Variants in PRSS56 observed in about 807,000 individuals in gnomAD.
PRSS56 encodes serine protease 56, also known as protease, serine 56.
PRSS56 carries 55 observed loss-of-function variants against 66.8 expected under a neutral mutation model. That is an observed-to-expected ratio of 0.82 (90% CI 0.66 to 1.03). The LOEUF (loss-of-function observed/expected upper bound fraction) is 1.03, where lower values mean the gene tolerates loss of function less well. Ranked by LOEUF, PRSS56 falls within the 50% of genes least tolerant of loss-of-function variation. PRSS56 has a pLI of 0.00. For missense variants in PRSS56, 869 were observed against 837.2 expected, an observed-to-expected ratio of 1.04 and a Z score of -0.47; for synonymous variants, 409 against 387.9, an observed-to-expected ratio of 1.05 and a Z score of -0.64.
Position 232,524,332 on chromosome 2 carries a change from C to T in PRSS56, c.1377C>T (p.Phe459=). 1 of 1,535,768 alleles carries T rather than the reference C, an allele frequency of 6.5e-7. No homozygotes were observed. The highest frequency in any genetic ancestry group is 1.4e-5 in the African/African-American group (1 of 73,172). ...GATCGCGGGCTGCAGGCACTCGGTT[C>T]CCGAAGCGGAGGCCGGAGCCGCGCG... ...HSGSRAAGTR[F]PKRRPEPRGE... The change falls in exon 11 of 13, where the codon TTC becomes TTT. Residue 459 remains phenylalanine, a synonymous_variant. Transcript: ENST00000617714.
rs1051925760 is a variant in PRSS56, at chr2:232,524,030, G to T, written c.1187-9G>T. The T allele has an allele frequency of 1.3e-6, 2 of 1,525,370 alleles. No individual in the cohort carries two copies. The highest frequency in any genetic ancestry group is 1.4e-5 in the African/African-American group (1 of 71,054). 94.5% of individuals were successfully genotyped at this position (1,525,370 alleles called of 1,614,324 possible). A position where few individuals can be genotyped will look rare whatever the true frequency, so the allele number is the denominator to read the frequency against. Reference sequence around the variant, plus strand: ...CTGACCGCCGCTCCGACTCCTGTCCGGTCCGCAGAGCTGCGCTCGCTGGCG... The same window carrying T: ...CTGACCGCCGCTCCGACTCCTGTCCTGTCCGCAGAGCTGCGCTCGCTGGCG... On this transcript the variant is annotated splice_polypyrimidine_tract_variant and intron_variant, in intron 9 of 12. Coordinates refer to ENST00000617714, the MANE Select transcript of PRSS56 (RefSeq NM_001195129.2).
Position 232,524,755 on chromosome 2 carries a change from C to A in PRSS56, c.1432C>A (p.Pro478Thr). The part of the protein sequence containing the change: ...GEANGCPGLE[P>T]LRQKLAALQG... The stretch of plus-strand genomic sequence containing the variant: ...TCCTCCAGGCTGCCCTGGGCTGGAG[C>A]CCCTGCGACAGAAGTTGGCTGCCCT... Residue 478 changes from proline to threonine, a missense_variant, in exon 12 of 13, where the codon CCC becomes ACC. Pro to Thr is a conservative substitution (Grantham distance 38). Around this residue, in one of 3 missense-constraint regions of PRSS56, gnomAD observed 551 missense variants for 506.9 expected, o/e 1.09. Coordinates refer to ENST00000617714, the MANE Select transcript of PRSS56 (RefSeq NM_001195129.2). The A allele has an allele frequency of 1.3e-6, 2 of 1,527,502 alleles. No homozygotes were observed. Among genetic ancestry groups the A allele is most frequent in the Non-Finnish European group, 1.8e-6 (2 of 1,140,504 alleles). 94.6% of individuals were successfully genotyped at this position (1,527,502 alleles called of 1,614,324 possible). A position where few individuals can be genotyped will look rare whatever the true frequency, so the allele number is the denominator to read the frequency against.
Position 232,523,817 on chromosome 2 carries a change from A to ACC in PRSS56, c.1065_1066dup (p.Gln356ProfsTer149). ...AGCTGCAGGGAGCTTCTGGCCTGGG[A>ACC]CCCCCCCCAGGAGCTGCAGGCAGAC... is the stretch of plus-strand genomic sequence containing the variant. On this transcript the variant is annotated frameshift_variant, in exon 9 of 13. Transcript: ENST00000617714. LOFTEE classifies it high-confidence loss of function. 2.0e-6 allele frequency: 3 copies of ACC among 1,530,634 alleles called. No individual in the cohort carries two copies. The highest frequency in any genetic ancestry group is 2.6e-6 in the Non-Finnish European group (3 of 1,145,340). 94.8% of individuals were successfully genotyped at this position (1,530,634 alleles called of 1,614,324 possible).
In PRSS56 at chr2:232,521,669, G is replaced by A. The variant is rs932869838; in HGVS notation, c.206-147G>A. ...CACTCTGGGCTCCTGTGGTGACCAG[G>A]AGAAGTTCATGGTTGCTGAAATAGA... On this transcript the variant is annotated intron_variant, in intron 2 of 12. Coordinates refer to ENST00000617714, the MANE Select transcript of PRSS56 (RefSeq NM_001195129.2). 4.7e-6 allele frequency: 4 copies of A among 849,678 alleles called. No homozygotes were observed. In the African/African-American group the frequency reaches 5.1e-5, roughly 11 times the overall value. 52.6% of individuals were successfully genotyped at this position (849,678 alleles called of 1,614,324 possible). A position where few individuals can be genotyped will look rare whatever the true frequency, so the allele number is the denominator to read the frequency against.
rs1691309720 is a variant in PRSS56 at position 232,522,735 on chromosome 2, C to G, written c.580C>G (p.Leu194Val). The G allele has an allele frequency of 1.3e-6, 2 of 1,533,862 alleles. No homozygotes were observed. Residue 194 changes from leucine (L) to valine (V), a missense_variant, in exon 6 of 13, where the codon CTG (leucine) becomes GTG (valine). Leu to Val is a conservative substitution (Grantham distance 32). Transcript: ENST00000617714. The part of the protein sequence containing the change: ...DPRTFHNDLA[L>V]VQLWTPVSPG... ...GCGGACCTTCCACAACGACCTGGCC[C>G]TGGTGCAGCTGTGGACGCCGGTGAG...
Position 232,522,725 on chromosome 2 carries a change from C to T in PRSS56, c.570C>T (p.Asn190=), listed in dbSNP as rs1170895186. 1.3e-6 allele frequency: 2 copies of T among 1,534,362 alleles called. No homozygotes were observed. Among genetic ancestry groups the T allele is most frequent in the African/African-American group, 1.4e-5 (1 of 73,064 alleles). ...AGTTTGACCCGCGGACCTTCCACAA[C>T]GACCTGGCCCTGGTGCAGCTGTGGA... The part of the protein sequence containing the change: ...HPKFDPRTFH[N]DLALVQLWTP... The change falls in exon 6 of 13, where the codon AAC becomes AAT. Residue 190 remains asparagine (N), a synonymous_variant. Coordinates refer to ENST00000617714, the MANE Select transcript of PRSS56 (RefSeq NM_001195129.2).
rs1240415573 is a variant in PRSS56 at position 232,520,446 on chromosome 2, G to A, written c.-153G>A. 1.5e-6 allele frequency: 1 copy of A among 681,346 alleles called. No homozygotes were observed. The highest frequency in any genetic ancestry group is 2.6e-6 in the Non-Finnish European group (1 of 381,082). 42.2% of individuals were successfully genotyped at this position (681,346 alleles called of 1,614,324 possible). A position where few individuals can be genotyped will look rare whatever the true frequency, so the allele number is the denominator to read the frequency against. On this transcript the variant is annotated 5_prime_UTR_variant, in exon 1 of 13. An upstream start codon of the reference 5' UTR is lost. Transcript: ENST00000617714. Reference sequence around the variant, plus strand: ...GACCAGGGAGGCGGGTAATTTTGATGTAAGAGAACGGGGTCAGATGATTTG... The same window carrying A: ...GACCAGGGAGGCGGGTAATTTTGATATAAGAGAACGGGGTCAGATGATTTG...
In PRSS56 at chr2:232,522,000, G is replaced by A. The variant is rs1297472767; in HGVS notation, c.286G>A (p.Ala96Thr). ...GPCGERRPST[A>T]NVTRAHGRIV... is the part of the protein sequence containing the mutation. ...GTGCGGCGAGAGGCGTCCGAGCACT[G>A]CCAATGTGACGCGGGCCCACGGCCG... is the stretch of plus-strand genomic sequence containing the variant. The change falls in exon 4 of 13, where the codon GCC becomes ACC. Residue 96 changes from alanine (A) to threonine (T), a missense_variant. By Grantham distance (58) the Ala-to-Thr change is moderately conservative (BLOSUM62 0). Transcript: ENST00000617714. The A allele has an allele frequency of 3.4e-6, 5 of 1,456,000 alleles. No individual in the cohort carries two copies. The highest frequency in any genetic ancestry group is 4.5e-6 in the Non-Finnish European group (5 of 1,109,286). The allele number at this position is 1,456,000 out of a possible 1,614,324, so 90.2% of individuals were successfully genotyped here. A position where few individuals can be genotyped will look rare whatever the true frequency, so the allele number is the denominator to read the frequency against.
chr2:232,523,998 C>G (rs1458915672), intron 9 of PRSS56, 41 bp from the exon 10 acceptor site: 1 of 1,524,662 alleles, frequency 6.6e-7, no homozygotes, highest in Non-Finnish European at 8.8e-7. Context: ...GGGGGCCTGG[C>G]CAGCCTCTGA....
Position 232,523,061 on chromosome 2 carries a change from C to A in PRSS56, c.708C>A (p.Asp236Glu), listed in dbSNP as rs182939131. The change falls in exon 7 of 13, where the codon GAC (aspartate) becomes GAA (glutamate). Residue 236 changes from aspartate to glutamate, a missense_variant and splice_region_variant. Around this residue, in one of 3 missense-constraint regions of PRSS56, gnomAD observed 551 missense variants for 506.9 expected, o/e 1.09. Coordinates refer to ENST00000617714, the MANE Select transcript of PRSS56 (RefSeq NM_001195129.2). ...GAGCCTTCCACCCCTTCCCTGCAGACGGGCCTGAGGCTGAAGCAGTGAGAG... is the reference window on the plus strand; with the variant it reads ...GAGCCTTCCACCCCTTCCCTGCAGAAGGGCCTGAGGCTGAAGCAGTGAGAG... Reference protein sequence around the residue: ...AIAGWGALFEDGPEAEAVREA... With the variant: ...AIAGWGALFEEGPEAEAVREA... The A allele has an allele frequency of 9.1e-6, 14 of 1,534,516 alleles. No homozygotes were observed. The African/African-American group carries it at 1.5e-4, about 16-fold the overall frequency.
At position 232,524,160 on chromosome 2, in the gene PRSS56, G is replaced by T; in HGVS notation, c.1308G>T (p.Arg436Ser). The change falls in exon 10 of 13, where the codon AGG (arginine) becomes AGT (serine). Residue 436 changes from arginine (R) to serine (S), a missense_variant. Transcript: ENST00000617714. ...PALALPAPAL[R>S]ESPLHPAREL... is the part of the protein sequence containing the mutation. ...TGGCTCTCCCCGCTCCAGCGCTCAGGGAGTCTCCTCTGCACCCCGCCCGGG... is the reference window on the plus strand; with the variant it reads ...TGGCTCTCCCCGCTCCAGCGCTCAGTGAGTCTCCTCTGCACCCCGCCCGGG... 2.0e-6 allele frequency: 3 copies of T among 1,521,758 alleles called. No individual in the cohort carries two copies. Among genetic ancestry groups the T allele is most frequent in the Non-Finnish European group, 2.6e-6 (3 of 1,140,424 alleles). 94.3% of individuals were successfully genotyped at this position (1,521,758 alleles called of 1,614,324 possible). A position where few individuals can be genotyped will look rare whatever the true frequency, so the allele number is the denominator to read the frequency against.
At chr2:232,521,480 C>A in intron 2 of PRSS56, 52 bp downstream of exon 2, 1 of 1,370,576 alleles carries the variant, frequency 7.3e-7, no homozygotes, top group Non-Finnish European at 1.0e-6. Context: ...ACCCTGGGCC[C>A]ATTCTGCTGC....
rs1375843829 is a variant in PRSS56 at position 232,522,031 on chromosome 2, T to TG, written c.323dup (p.Ser109GlnfsTer45). The TG allele has an allele frequency of 4.1e-6, 6 of 1,465,400 alleles. No homozygotes were observed. The East Asian group carries it at 1.0e-4, about 25-fold the overall frequency. The allele number at this position is 1,465,400 out of a possible 1,614,324, so 90.8% of individuals were successfully genotyped here. A position where few individuals can be genotyped will look rare whatever the true frequency, so the allele number is the denominator to read the frequency against. The stretch of plus-strand genomic sequence containing the variant: ...GTGACGCGGGCCCACGGCCGCATCG[T>TG]GGGGGGCAGCGCGGCGCCGCCCGGG... On this transcript the variant is annotated frameshift_variant, in exon 4 of 13. Coordinates refer to ENST00000617714, the MANE Select transcript of PRSS56 (RefSeq NM_001195129.2). LOFTEE classifies it high-confidence loss of function.
chr2:232,524,066 TG>T lies in PRSS56; in HGVS notation c.1217del (p.Gly406AlafsTer98). On this transcript the variant is annotated frameshift_variant, in exon 10 of 13. Coordinates refer to ENST00000617714, the MANE Select transcript of PRSS56 (RefSeq NM_001195129.2). LOFTEE classifies it high-confidence loss of function. Reference protein sequence around the residue: ...CELRSLAHTLLGLLRNAQELL... With the variant: ...CELRSLAHTLXGLLRNAQELL... ...CTGCGCTCGCTGGCGCACACGCTGCTGGGCCTGCTGCGGAACGCGCAGGAGC... is the reference window on the plus strand; with the variant it reads ...CTGCGCTCGCTGGCGCACACGCTGCTGGCCTGCTGCGGAACGCGCAGGAGC... The T allele has an allele frequency of 6.6e-7, 1 of 1,524,464 alleles. No individual in the cohort carries two copies. The highest frequency in any genetic ancestry group is 8.8e-7 in the Non-Finnish European group (1 of 1,142,778). 94.4% of individuals were successfully genotyped at this position (1,524,464 alleles called of 1,614,324 possible). A position where few individuals can be genotyped will look rare whatever the true frequency, so the allele number is the denominator to read the frequency against.
At chr2:232,521,247 A>G in intron 1 of PRSS56, 74 bp from the exon 2 acceptor site, 1 of 1,237,364 alleles carries the variant, frequency 8.1e-7, no homozygotes, top group Non-Finnish European at 1.1e-6. Flanking sequence ...GGCAGGGCTC[A>G]GGGCTGGGGC....
rs1306543665 is a variant in PRSS56, at chr2:232,523,192, A to T, written c.839A>T (p.Asp280Val). 1 of 1,470,186 alleles carries T rather than the reference A, an allele frequency of 6.8e-7. No homozygotes were observed. The highest frequency in any genetic ancestry group is 2.5e-5 in the East Asian group (1 of 39,532). 91.1% of individuals were successfully genotyped at this position (1,470,186 alleles called of 1,614,324 possible). A position where few individuals can be genotyped will look rare whatever the true frequency, so the allele number is the denominator to read the frequency against. The change falls in exon 7 of 13, where the codon GAC becomes GTC. Residue 280 changes from aspartate to valine, a missense_variant. Coordinates refer to ENST00000617714, the MANE Select transcript of PRSS56 (RefSeq NM_001195129.2). ...LCAGYLAGGVDSCQGDSGGPL... is the reference protein window; with the variant it reads ...LCAGYLAGGVVSCQGDSGGPL... ...GCCGGGTACCTGGCGGGGGGCGTTGACTCGTGCCAGGTATGAACCCAGTCT... is the reference window on the plus strand; with the variant it reads ...GCCGGGTACCTGGCGGGGGGCGTTGTCTCGTGCCAGGTATGAACCCAGTCT...
At chr2:232,523,681 C>T in intron 8 of PRSS56, 91 bp from the exon 9 acceptor site, 2 of 1,519,814 alleles carry the variant, frequency 1.3e-6, no homozygotes, top group African/African-American at 2.7e-5. Flanking sequence ...CTCCCTTCTG[C>T]CTCGGGAAAG....
rs370334682 is a variant in PRSS56, at chr2:232,521,440, G to GC, written c.205+18dup. ...GCACGAGTGCCGAGGTGCCCACCCTGCCCCCCGTGCCCCAGTGAGCTTGCT... is the reference window on the plus strand; with the variant it reads ...GCACGAGTGCCGAGGTGCCCACCCTGCCCCCCCGTGCCCCAGTGAGCTTGCT... On this transcript the variant is annotated intron_variant, in intron 2 of 12. Coordinates refer to ENST00000617714, the MANE Select transcript of PRSS56 (RefSeq NM_001195129.2). 1.6e-4 allele frequency: 244 copies of GC among 1,529,960 alleles called. No homozygotes were observed. In the African/African-American group the frequency reaches 2.9e-3, roughly 18 times the overall value. The allele number at this position is 1,529,960 out of a possible 1,614,324, so 94.8% of individuals were successfully genotyped here.
chr2:232,525,528 C>T lies in PRSS56; in HGVS notation c.*22C>T, dbSNP rs1691412629. On this transcript the variant is annotated 3_prime_UTR_variant, in exon 13 of 13. Transcript: ENST00000617714. The stretch of plus-strand genomic sequence containing the variant: ...CTGAGCCATGTCTGGGCCCCCAGCC[C>T]CTGGGGAGGACCTACTGCTCCCAGG... The T allele has an allele frequency of 1.4e-6, 2 of 1,429,828 alleles. No homozygotes were observed. The highest frequency in any genetic ancestry group is 1.4e-5 in the African/African-American group (1 of 69,312). 88.6% of individuals were successfully genotyped at this position (1,429,828 alleles called of 1,614,324 possible).
Sources: allele counts gnomAD v4.1 joint callset, GRCh38; gene constraint gnomAD v4.1.1; regional missense constraint gnomAD v4.1.1; transcripts MANE v1.5; gene names NCBI Gene and HGNC (gene_info 2026-07-23, HGNC 2026-07-21).